The following TBC1D21 variants were observed in gnomAD, a reference collection of about 807,000 sequenced individuals.
TBC1D21 encodes the protein TBC1 domain family member 21.
In TBC1D21, 38 loss-of-function variants were observed where a neutral mutation model predicts 46.0. The ratio of observed to expected loss-of-function variants is 0.83; its 90% CI spans 0.64 to 1.08. TBC1D21 has a LOEUF of 1.08. TBC1D21 is among the 50% of genes least tolerant of loss of function. TBC1D21 has a pLI of 0.00. For synonymous variants in TBC1D21, 151 were observed against 157.2 expected (o/e 0.96, Z 0.29); for missense variants, 415 against 417.9 (o/e 0.99, Z 0.06).
At chr15:73,893,737 T>C (rs1263433116), downstream of TBC1D21, among the ~76,000 whole-genome samples, 3 of 152,150 alleles carry the variant, frequency 2.0e-5, no homozygotes, top group African/African-American at 7.2e-5. Flanking sequence ...AACCGAGTCC[T>C]GGCCTGAAGC....
At chr15:73,892,908 CGTCAGTGATGGTGGTAGTAAT>C (rs533520566), downstream of TBC1D21, among the ~76,000 whole-genome samples, 13 of 152,184 alleles carry the variant, frequency 8.5e-5, no homozygotes, top group East Asian at 2.5e-3. Context: ...ATGTCGGCGA[CGTCAGTGATGGTGGTAGTAAT>C]GTCAGTGATG....
At chr15:73,903,149 C>T in the TBC1D21 span, among the ~76,000 whole-genome samples, 1 of 152,232 alleles carries the variant, frequency 6.6e-6, no homozygotes, top group Non-Finnish European at 1.5e-5. Flanking sequence ...AAACTGCCCT[C>T]CTGAAAATCA....
the TBC1D21 span, among the ~76,000 whole-genome samples, chr15:73,905,383 C>G: frequency 6.6e-6 from 1 of 152,168 alleles, no homozygotes; most frequent in Non-Finnish European, 1.5e-5. Context: ...GAGTTATTCT[C>G]CCTTCTTAAA....
chr15:73,901,103 A>T, the TBC1D21 span, among the ~76,000 whole-genome samples: 1 of 152,200 alleles, frequency 6.6e-6, no homozygotes, highest in Non-Finnish European at 1.5e-5. Context: ...AGATTCAGAG[A>T]GATGCACCTT....
intron 10 of TBC1D21, 76 bp from the exon 11 acceptor site, chr15:73,888,993 T>G: frequency 6.4e-7 from 1 of 1,568,064 alleles, no homozygotes; most frequent in Non-Finnish European, 8.7e-7. Context: ...CTCAGGAGAA[T>G]GTCGCTGCTT....
chr15:73,875,612 C>A (rs1055785829), intron 1 of TBC1D21, among the ~76,000 whole-genome samples: 1 of 152,140 alleles, frequency 6.6e-6, no homozygotes, highest in Non-Finnish European at 1.5e-5. Flanking sequence ...TGGTCCCCTT[C>A]CCCAGGGGAA....
intron 1 of TBC1D21, among the ~76,000 whole-genome samples, chr15:73,875,178 G>C (rs755274542): frequency 4.6e-5 from 7 of 151,658 alleles, no homozygotes; most frequent in Non-Finnish European, 8.8e-5. Context: ...GAACCAGGGA[G>C]GTGGAGGTTG....
the TBC1D21 span, among the ~76,000 whole-genome samples, chr15:73,906,312 C>T: frequency 2.6e-5 from 4 of 151,818 alleles, no homozygotes; most frequent in South Asian, 4.2e-4. Flanking sequence ...GGGAGGAGGT[C>T]GGGGAGAGGC....
At chr15:73,879,866 C>G (rs1289924655) in intron 1 of TBC1D21, among the ~76,000 whole-genome samples, 1 of 118,476 alleles carries the variant, frequency 8.4e-6, no homozygotes, top group African/African-American at 3.0e-5. Context: ...CAACAGGAAC[C>G]CTCACTCCTG....
intron 1 of TBC1D21, among the ~76,000 whole-genome samples, chr15:73,878,734 C>A (rs2068104555): frequency 6.6e-6 from 1 of 152,336 alleles, no homozygotes; most frequent in East Asian, 1.9e-4. Flanking sequence ...AAAATCACAG[C>A]TGCCTTTATT....
chr15:73,898,082 G>A, the TBC1D21 span, among the ~76,000 whole-genome samples: 2 of 152,186 alleles, frequency 1.3e-5, no homozygotes, highest in African/African-American at 4.8e-5. Context: ...TCATCTCCCC[G>A]AATGGTAATG....
chr15:73,876,206 T>TGGG (rs1567062268), intron 1 of TBC1D21, among the ~76,000 whole-genome samples: 1 of 50,882 alleles, frequency 2.0e-5, no homozygotes, highest in African/African-American at 8.5e-5. Flanking sequence ...TGGGTTTTTT[T>TGGG]TTTTTTTTTT....
the TBC1D21 span, among the ~76,000 whole-genome samples, chr15:73,896,012 A>G: frequency 1.3e-5 from 2 of 152,112 alleles, no homozygotes; most frequent in African/African-American, 4.8e-5. Flanking sequence ...GAAGTGATAG[A>G]GTTGGAAATA....
At chr15:73,906,494 C>T in the TBC1D21 span, among the ~76,000 whole-genome samples, 1 of 152,232 alleles carries the variant, frequency 6.6e-6, no homozygotes, top group South Asian at 2.1e-4. Context: ...GATGAGGGAC[C>T]AGCCCCACTG....
rs191155265 is a variant in TBC1D21, at chr15:73,882,842, C to T, written c.272+1095C>T. 3.9e-5 allele frequency among the ~76,000 whole-genome samples: 6 copies of T among 152,314 alleles called. No homozygotes were observed. In the East Asian group the frequency reaches 1.2e-3, roughly 29 times the overall value. On this transcript the variant is annotated intron_variant, in intron 3 of 10. Transcript: ENST00000300504. ...GATGGGAATCCTCCCTCCCTGAAGC[C>T]GGAGGCCCTTGACTTGCACTTCCAT...
At position 73,873,920 on chromosome 15, in the gene TBC1D21, C is replaced by T. The variant is rs1595814569; in HGVS notation, c.60+151C>T. 4.6e-6 allele frequency: 4 copies of T among 864,220 alleles called. No individual in the cohort carries two copies. The East Asian group carries it at 1.1e-4, about 23-fold the overall frequency. 53.5% of individuals were successfully genotyped at this position (864,220 alleles called of 1,614,324 possible). A position where few individuals can be genotyped will look rare whatever the true frequency, so the allele number is the denominator to read the frequency against. ...GTTGTACCTTACTCTTACCATCAGC[C>T]CAAGGACAGGACTGAGACATCCAAG... On this transcript the variant is annotated intron_variant, in intron 1 of 10. Coordinates refer to ENST00000300504, the MANE Select transcript of TBC1D21 (RefSeq NM_153356.3).
chr15:73,907,079 C>T, the TBC1D21 span, among the ~76,000 whole-genome samples: 1 of 152,072 alleles, frequency 6.6e-6, no homozygotes, highest in South Asian at 2.1e-4. Flanking sequence ...ATCTCTCTTT[C>T]TCTCTCATTT....
chr15:73,876,394 A>ATTTTTTTTTTTTT (rs535437036), intron 1 of TBC1D21, among the ~76,000 whole-genome samples: 1 of 73,144 alleles, frequency 1.4e-5, no homozygotes, highest in East Asian at 2.5e-4. Context: ...CACCCGGGTA[A>ATTTTTTTTTTTTT]TTTTTGTTTT....
chr15:73,909,872 A>G, the TBC1D21 span: 1 of 152,286 alleles, frequency 6.6e-6, no homozygotes, highest in South Asian at 2.1e-4. Flanking sequence ...AGCAAAAACA[A>G]GAACCTGGTG....
Sources: allele counts gnomAD v4.1 joint callset (sites outside exome capture counted in the v4.1 genomes callset), GRCh38; gene constraint gnomAD v4.1.1; transcripts MANE v1.5; gene names NCBI Gene and HGNC (gene_info 2026-07-23, HGNC 2026-07-21).